The following SLC36A1 variants were observed in gnomAD, a reference collection of about 807,000 sequenced individuals.
SLC36A1 encodes the protein proton-coupled amino acid transporter 1.
Under a neutral mutation model 47.5 loss-of-function variants are expected in SLC36A1, and 30 were observed. The observed-to-expected ratio is 0.63, with a 90% CI of 0.47 to 0.86. The LOEUF (loss-of-function observed/expected upper bound fraction) is 0.86, where lower values mean the gene tolerates loss of function less well. SLC36A1 is among the 40% of genes least tolerant of loss of function. SLC36A1 has a pLI of 0.00. For synonymous variants in SLC36A1, 255 were observed against 249.7 expected (o/e 1.02, Z -0.20); for missense variants, 517 against 606.0 (o/e 0.85, Z 1.54).
upstream of SLC36A1, among the ~76,000 whole-genome samples, chr5:151,433,449 G>C (rs1759575274): frequency 1.4e-5 from 2 of 145,100 alleles, no homozygotes; most frequent in Non-Finnish European, 3.0e-5. Flanking sequence ...ACATCCAGCT[G>C]TTTTTTTTTG....
chr5:151,453,136 G>A (rs965044816), intron 1 of SLC36A1, among the ~76,000 whole-genome samples: 5 of 151,654 alleles, frequency 3.3e-5, no homozygotes, highest in Admixed American at 1.3e-4. Context: ...CCTGGGAGGC[G>A]GAGGTTGCAG....
the SLC36A1 span, chr5:151,422,157 C>T: frequency 1.3e-5 from 2 of 152,194 alleles, no homozygotes; most frequent in African/African-American, 2.4e-5. Context: ...AGTGCAGGCA[C>T]ATTTCACCAG....
At chr5:151,411,881 T>C in the SLC36A1 span, among the ~76,000 whole-genome samples, 12 of 144,790 alleles carry the variant, frequency 8.3e-5, no homozygotes, top group African/African-American at 3.0e-4. Context: ...GGCAAATCAC[T>C]GACAACCAAG....
At chr5:151,478,902 T>G (rs1404313485) in intron 9 of SLC36A1, among the ~76,000 whole-genome samples, 1 of 152,220 alleles carries the variant, frequency 6.6e-6, no homozygotes, top group African/African-American at 2.4e-5. Flanking sequence ...TTAAAAAAAG[T>G]GATATAAAAC....
the SLC36A1 span, among the ~76,000 whole-genome samples, chr5:151,418,954 T>C: frequency 6.6e-6 from 1 of 152,268 alleles, no homozygotes; most frequent in South Asian, 2.1e-4. Flanking sequence ...ATGGGGGCCA[T>C]TTCCCCCATG....
chr5:151,544,310 A>G, the SLC36A1 span: 1 of 1,614,196 alleles, frequency 6.2e-7, no homozygotes, highest in East Asian at 2.2e-5. Flanking sequence ...ACCAATTGGG[A>G]AAAAGTGGGA....
At chr5:151,458,472 T>A (rs1424069845) in intron 1 of SLC36A1, among the ~76,000 whole-genome samples, 1 of 151,902 alleles carries the variant, frequency 6.6e-6, no homozygotes, top group African/African-American at 2.4e-5. Context: ...TCTTTCATTT[T>A]CCCCCACTCC....
At chr5:151,396,011 T>C in the SLC36A1 span, among the ~76,000 whole-genome samples, 1 of 152,072 alleles carries the variant, frequency 6.6e-6, no homozygotes, top group African/African-American at 2.4e-5. Flanking sequence ...GATCTCACCA[T>C]GTTGCCCAGG....
At chr5:151,542,413 C>T in the SLC36A1 span, 249 of 1,614,148 alleles carry the variant, frequency 1.5e-4, 1 homozygote, top group Middle Eastern at 9.9e-4. Context: ...AGAAGCAAAT[C>T]GGGGAGCATT....
chr5:151,417,925 G>A, the SLC36A1 span, among the ~76,000 whole-genome samples: 1 of 152,254 alleles, frequency 6.6e-6, no homozygotes, highest in Non-Finnish European at 1.5e-5. Context: ...AAATGGTTTT[G>A]TGGGCCAGGC....
the SLC36A1 span, among the ~76,000 whole-genome samples, chr5:151,497,421 G>A: frequency 2.0e-5 from 3 of 152,056 alleles, no homozygotes; most frequent in Admixed American, 1.3e-4. Context: ...AACTGGCCTT[G>A]CTTACTTGGA....
At chr5:151,542,990 C>G in the SLC36A1 span, 11 of 1,614,200 alleles carry the variant, frequency 6.8e-6, no homozygotes, top group Non-Finnish European at 9.3e-6. Flanking sequence ...ACTGCTTTAA[C>G]AATCCCAATT....
chr5:151,423,309 T>C, the SLC36A1 span, among the ~76,000 whole-genome samples: 4 of 152,106 alleles, frequency 2.6e-5, no homozygotes, highest in African/African-American at 9.7e-5. Context: ...GAGTTGAAAA[T>C]TTACACCCAC....
At chr5:151,428,913 G>A in the SLC36A1 span, among the ~76,000 whole-genome samples, 7 of 152,204 alleles carry the variant, frequency 4.6e-5, no homozygotes, top group African/African-American at 1.2e-4. Flanking sequence ...GATTATAGGC[G>A]TGAGCCACTG....
the SLC36A1 span, among the ~76,000 whole-genome samples, chr5:151,408,745 C>T: frequency 5.3e-5 from 8 of 152,108 alleles, no homozygotes; most frequent in African/African-American, 1.9e-4. Context: ...TGGAGTCTGA[C>T]GAGGACTGAC....
the SLC36A1 span, chr5:151,542,771 G>C: frequency 6.2e-7 from 1 of 1,614,232 alleles, no homozygotes; most frequent in Non-Finnish European, 8.5e-7. Flanking sequence ...TCTCCCACTT[G>C]GATGTTGACA....
chr5:151,544,998 C>T, the SLC36A1 span: 1 of 1,614,012 alleles, frequency 6.2e-7, no homozygotes, highest in Admixed American at 1.7e-5. Context: ...TCCGATTGTC[C>T]CTCACTTCCA....
chr5:151,370,717 G>A, the SLC36A1 span, among the ~76,000 whole-genome samples: 1 of 152,144 alleles, frequency 6.6e-6, no homozygotes, highest in South Asian at 2.1e-4. Context: ...TCTAGGCTGG[G>A]CGCGGCAGCT....
At chr5:151,439,885 T>C (rs906080859) in intron 1 of SLC36A1, among the ~76,000 whole-genome samples, 3 of 152,178 alleles carry the variant, frequency 2.0e-5, no homozygotes, top group African/African-American at 7.2e-5. Flanking sequence ...TGTTTGGTCT[T>C]CTTTATAGGA....
Sources: gnomAD v4.1 joint callset for allele counts (sites outside exome capture counted in the v4.1 genomes callset) on GRCh38, gnomAD v4.1.1 for gene constraint, MANE v1.5 for transcripts, NCBI Gene and HGNC (gene_info 2026-07-23, HGNC 2026-07-21) for gene names.